The following STAB2 variants were observed in gnomAD, a reference collection of about 807,000 sequenced individuals.
STAB2 encodes stabilin-2.
In STAB2, 288 loss-of-function variants were observed where a neutral mutation model predicts 338.1. The ratio of observed to expected loss-of-function variants is 0.85; its 90% confidence interval spans 0.77 to 0.94. STAB2 has a LOEUF of 0.94. Among genes scored for constraint, STAB2 ranks in the 40% least tolerant of loss-of-function variants. The pLI is 0.00. For synonymous variants in STAB2, 1,202 were observed against 1,193.3 expected (o/e 1.01, Z -0.15); for missense variants, 3,141 against 3,210.1 (o/e 0.98, Z 0.52).
At position 103,688,069 on chromosome 12, in the gene STAB2, T is replaced by C. The variant is rs906846308; in HGVS notation, c.2998-99T>C. 3 of 1,183,556 alleles carry C rather than the reference T, an allele frequency of 2.5e-6. No individual in the cohort carries two copies. The Admixed American group carries it at 5.1e-5, about 20-fold the overall frequency. 73.3% of individuals were successfully genotyped at this position (1,183,556 alleles called of 1,614,324 possible). A position where few individuals can be genotyped will look rare whatever the true frequency, so the allele number is the denominator to read the frequency against. On this transcript the variant is annotated intron_variant, in intron 27 of 68. Coordinates refer to ENST00000388887, the MANE Select transcript of STAB2 (RefSeq NM_017564.10). ...CGAGCCTAGCCCCAGGAAGGCTGAG[T>C]GCAGGTGACCCAGAGATGCACTGTG...
chr12:103,760,661 G>A (rs1884469181), intron 65 of STAB2, among the ~76,000 whole-genome samples: 1 of 152,184 alleles, frequency 6.6e-6, no homozygotes, highest in African/African-American at 2.4e-5. Context: ...GGTGGAGGTG[G>A]TGATAACCAT....
At chr12:103,744,137 T>G (rs1399815924) in intron 56 of STAB2, among the ~76,000 whole-genome samples, 2 of 117,086 alleles carry the variant, frequency 1.7e-5, no homozygotes, top group Admixed American at 8.0e-5. Context: ...TTGGTACATA[T>G]TTTTTAATGT....
chr12:103,690,284 C>A, intron 29 of STAB2, 140 bp from the exon 30 acceptor site: 2 of 783,262 alleles, frequency 2.6e-6, no homozygotes, highest in East Asian at 2.7e-5. Context: ...GTAACTAACT[C>A]TAGCCAAGGC....
Position 103,740,678 on chromosome 12 carries a change from G to A in STAB2, c.5803G>A (p.Glu1935Lys). ...CAACCTGCCCTTCAAGAGGAACCTG[G>A]AAGGCTGCCGGGAGCGGTGCAGCCT... ...LYNLPFKRNL[E>K]GCRERCSLVI... Residue 1935 changes from glutamate (E) to lysine (K), a missense_variant, in exon 55 of 69, where the codon GAA becomes AAA. Transcript: ENST00000388887. The A allele has an allele frequency of 6.2e-7, 1 of 1,611,960 alleles. No homozygotes were observed. The highest frequency in any genetic ancestry group is 8.5e-7 in the Non-Finnish European group (1 of 1,179,246).
At chr12:103,685,630 C>T (rs1379767010) in intron 27 of STAB2, among the ~76,000 whole-genome samples, 1 of 152,142 alleles carries the variant, frequency 6.6e-6, no homozygotes, top group African/African-American at 2.4e-5. Flanking sequence ...GCAAAACTTG[C>T]CCAACACCCT....
At chr12:103,681,215 A>G (rs1377043298) in intron 25 of STAB2, among the ~76,000 whole-genome samples, 1 of 152,176 alleles carries the variant, frequency 6.6e-6, no homozygotes, top group Non-Finnish European at 1.5e-5. Flanking sequence ...AGCTCACTGC[A>G]GTCTTATGTC....
intron 31 of STAB2, among the ~76,000 whole-genome samples, chr12:103,693,196 A>G (rs1878106811): frequency 6.6e-6 from 1 of 152,158 alleles, no homozygotes; most frequent in Non-Finnish European, 1.5e-5. Flanking sequence ...GCTCACGCCT[A>G]TAATCCTAGC....
At chr12:103,737,595 TC>T (rs763640019) in intron 52 of STAB2, 38 bp from the exon 53 acceptor site, 159 of 1,390,060 alleles carry the variant, frequency 1.1e-4, no homozygotes, top group Middle Eastern at 2.3e-4. Flanking sequence ...TCTCTCTCTC[TC>T]TCTCTTTCTC....
chr12:103,675,843 G>A (rs1876291995), intron 23 of STAB2, 85 bp from the exon 24 acceptor site: 2 of 1,076,444 alleles, frequency 1.9e-6, no homozygotes, highest in Admixed American at 2.3e-5. Flanking sequence ...ATTTGGCCAG[G>A]AACTGGCTCA....
intron 37 of STAB2, among the ~76,000 whole-genome samples, 181 bp from the exon 38 acceptor site, chr12:103,706,610 AC>A (rs1375683510): frequency 1.3e-5 from 2 of 150,924 alleles, no homozygotes; most frequent in African/African-American, 4.9e-5. Flanking sequence ...TGTTCCTAGC[AC>A]CCCTAGAAAT....
At chr12:103,684,138 C>CTCAT (rs1365486933) in intron 26 of STAB2, among the ~76,000 whole-genome samples, 3 of 152,220 alleles carry the variant, frequency 2.0e-5, no homozygotes, top group African/African-American at 7.2e-5. Context: ...CTGCCTCTGT[C>CTCAT]TCATTCCCCG....
At chr12:103,689,796 G>C in intron 28 of STAB2, 50 bp from the exon 29 acceptor site, 1 of 1,593,600 alleles carries the variant, frequency 6.3e-7, no homozygotes, top group Non-Finnish European at 8.6e-7. Flanking sequence ...AGGCAGCTCT[G>C]TTTGTCCCCT....
chr12:103,721,699 G>A (rs976170279), intron 44 of STAB2, among the ~76,000 whole-genome samples: 10 of 152,160 alleles, frequency 6.6e-5, no homozygotes, highest in South Asian at 2.1e-4. Context: ...ATAAGAAGTC[G>A]CTTGGGCCAG....
At position 103,677,468 on chromosome 12, in the gene STAB2, A is replaced by T. The variant is rs1402336828; in HGVS notation, c.2662A>T (p.Thr888Ser). 2 of 1,612,290 alleles carry T rather than the reference A, an allele frequency of 1.2e-6. No homozygotes were observed. Among genetic ancestry groups the T allele is most frequent in the African/African-American group, 2.7e-5 (2 of 74,918 alleles). ...GCSRNAECIK[T>S]GTGTHTCVCQ... ...CCTCCTGCAGGCAGAATGCATCAAA[A>T]CTGGCACGGGCACCCACACCTGCGT... Residue 888 changes from threonine (T) to serine (S), a missense_variant, in exon 25 of 69, where the codon ACT becomes TCT. Transcript: ENST00000388887.
At chr12:103,717,057 G>C (rs1880374603) in intron 43 of STAB2, among the ~76,000 whole-genome samples, 1 of 152,216 alleles carries the variant, frequency 6.6e-6, no homozygotes, top group African/African-American at 2.4e-5. Context: ...GGCCCTTGCT[G>C]CTACATAGGA....
At chr12:103,732,877 C>T in intron 50 of STAB2, 129 bp from the exon 51 acceptor site, 2 of 1,050,376 alleles carry the variant, frequency 1.9e-6, no homozygotes, top group Non-Finnish European at 2.7e-6. Flanking sequence ...AGCTGCATCA[C>T]CCTTGAACCA....
At chr12:103,620,347 A>T (rs1295304037) in intron 3 of STAB2, 121 bp from the exon 4 acceptor site, 5 of 857,054 alleles carry the variant, frequency 5.8e-6, no homozygotes, top group African/African-American at 1.7e-5. Context: ...TGACACCAAC[A>T]GGTTCTGCAA....
intron 44 of STAB2, among the ~76,000 whole-genome samples, chr12:103,724,738 G>A (rs1881043765): frequency 6.6e-6 from 1 of 152,178 alleles, no homozygotes; most frequent in Non-Finnish European, 1.5e-5. Flanking sequence ...CCTGTACAGG[G>A]CTGGAGATCT....
intron 27 of STAB2, among the ~76,000 whole-genome samples, chr12:103,686,839 C>A (rs1877480240): frequency 6.6e-6 from 1 of 152,128 alleles, no homozygotes. Flanking sequence ...TTAGCCGCCA[C>A]CTCCCCAGCT....
Sources: allele counts gnomAD v4.1 joint callset (sites outside exome capture counted in the v4.1 genomes callset), GRCh38; gene constraint gnomAD v4.1.1; transcripts MANE v1.5; gene names NCBI Gene and HGNC (gene_info 2026-07-23, HGNC 2026-07-21).